The following PALS2 variants were observed in gnomAD, a reference collection of about 807,000 sequenced individuals.
PALS2 encodes the protein protein associated with LIN7 2, MAGUK p55 family member.
In PALS2, 27 loss-of-function variants were observed where a neutral mutation model predicts 61.6. That is an observed-to-expected ratio of 0.44 (90% CI 0.32 to 0.60). The LOEUF (loss-of-function observed/expected upper bound fraction) is 0.60. PALS2 is among the 20% of genes least tolerant of loss of function. The pLI, the probability that PALS2 is intolerant of heterozygous loss-of-function variation, is 0.05. For synonymous variants in PALS2, 236 were observed against 218.6 expected (o/e 1.08, Z -0.70); for missense variants, 554 against 639.4 (o/e 0.87, Z 1.44).
At chr7:24,644,228 A>G (rs1358368695) in intron 3 of PALS2, among the ~76,000 whole-genome samples, 3 of 151,546 alleles carry the variant, frequency 2.0e-5, no homozygotes, top group African/African-American at 7.3e-5. Flanking sequence ...AGTACCCAAT[A>G]GTTATCTTGT....
chr7:24,687,490 A>T lies in PALS2; in HGVS notation c.1499A>T (p.Tyr500Phe). The change falls in exon 12 of 12, where the codon TAC becomes TTC. Residue 500 changes from tyrosine (Y) to phenylalanine (F), a missense_variant. Coordinates refer to ENST00000222644, the MANE Select transcript of PALS2 (RefSeq NM_001303037.2). This position sits in a 1 kb window ranked among gnomAD's most constrained non-coding sequence, Gnocchi z 4.5. Reference sequence around the variant, plus strand: ...GAAAGTGCACGGATTCAGAGAGCATACAACCACTATTTTGATTTGATCATC... The same window carrying T: ...GAAAGTGCACGGATTCAGAGAGCATTCAACCACTATTTTGATTTGATCATC... ...VDESARIQRA[Y>F]NHYFDLIIIN... The T allele has an allele frequency of 6.2e-7, 1 of 1,613,058 alleles. No individual in the cohort carries two copies. Among genetic ancestry groups the T allele is most frequent in the Non-Finnish European group, 8.5e-7 (1 of 1,179,708 alleles).
At position 24,681,014 on chromosome 7, in the gene PALS2, A is replaced by C. The variant is rs1203128299; in HGVS notation, c.1446+494A>C. Among the ~76,000 whole-genome samples, 3 of 152,254 alleles carry C rather than the reference A, an allele frequency of 2.0e-5. No individual in the cohort carries two copies. The South Asian group carries it at 6.2e-4, about 32-fold the overall frequency. On this transcript the variant is annotated intron_variant, in intron 11 of 11. Transcript: ENST00000222644. ...TTCTTTTACTTGAAAATCATTGTAC[A>C]CTTTATTTTAAATCAAAAGTTTAGT...
At chr7:24,637,005 A>G (rs1785269976) in intron 2 of PALS2, among the ~76,000 whole-genome samples, 1 of 152,198 alleles carries the variant, frequency 6.6e-6, no homozygotes, top group African/African-American at 2.4e-5. Context: ...AGGTTATAAA[A>G]AGGTTATTGT....
chr7:24,685,133 C>T (rs1009507066), intron 11 of PALS2, among the ~76,000 whole-genome samples: 11 of 152,000 alleles, frequency 7.2e-5, no homozygotes, highest in Non-Finnish European at 1.2e-4. Context: ...CTGACAGGCC[C>T]CAATGTGTGT....
At chr7:24,586,460 A>G (rs1046624659) in intron 1 of PALS2, among the ~76,000 whole-genome samples, 5 of 152,328 alleles carry the variant, frequency 3.3e-5, no homozygotes, top group Admixed American at 6.5e-5. Context: ...ATAACCAAGG[A>G]AAAAAAGTAG....
chr7:24,639,814 ATTTTT>A (rs61073575), intron 2 of PALS2, among the ~76,000 whole-genome samples: 4,240 of 96,076 alleles, frequency 0.044, 40 homozygotes, highest in Non-Finnish European at 0.061. Flanking sequence ...TTCTAGTCTA[ATTTTT>A]TTTTTTTTTT....
At chr7:24,673,949 G>A (rs2128026579) in intron 9 of PALS2, among the ~76,000 whole-genome samples, 1 of 151,806 alleles carries the variant, frequency 6.6e-6, no homozygotes, top group East Asian at 1.9e-4. Context: ...AAAGTTCTTG[G>A]TATGCTGTGT....
intron 6 of PALS2, among the ~76,000 whole-genome samples, chr7:24,665,099 G>GTT (rs1266604724): frequency 6.6e-5 from 10 of 152,242 alleles, no homozygotes; most frequent in Admixed American, 2.6e-4. Flanking sequence ...GTTTCGCCTA[G>GTT]TTTAAACTTA....
At chr7:24,656,403 A>G (rs1786418542) in intron 5 of PALS2, among the ~76,000 whole-genome samples, 1 of 152,226 alleles carries the variant, frequency 6.6e-6, no homozygotes, top group African/African-American at 2.4e-5. Context: ...TATCCTTGAG[A>G]TAAAGTTTAT....
intron 3 of PALS2, among the ~76,000 whole-genome samples, chr7:24,648,904 C>CA (rs763677372): frequency 0.04 from 3,626 of 90,290 alleles, 192 homozygotes; most frequent in African/African-American, 0.16. Flanking sequence ...GACTCTGTCT[C>CA]AAAAAAGAAA....
At chr7:24,672,921 A>G (rs867051533) in intron 9 of PALS2, among the ~76,000 whole-genome samples, 2 of 152,166 alleles carry the variant, frequency 1.3e-5, no homozygotes, top group South Asian at 2.1e-4. Flanking sequence ...CCTCAACTAG[A>G]ACCTGCAGTG....
At chr7:24,607,803 A>G (rs1008894881) in intron 1 of PALS2, among the ~76,000 whole-genome samples, 9 of 152,034 alleles carry the variant, frequency 5.9e-5, no homozygotes, top group African/African-American at 1.9e-4. Flanking sequence ...GCATGCATAC[A>G]ATGAAGTACT....
rs763528162 is a variant in PALS2 at position 24,680,311 on chromosome 7, A to C, written c.1318-81A>C. ...TTTAATTCATAGAACAAGTGCAAAC[A>C]GCCTTTGATATATACTAAAGGGTAG... On this transcript the variant is annotated intron_variant, in intron 10 of 11. Transcript: ENST00000222644. The C allele has an allele frequency of 5.2e-4, 724 of 1,395,822 alleles. 3 individuals are homozygous for C. The highest frequency in any genetic ancestry group is 1.4e-3 in the South Asian group (108 of 78,094). 86.5% of individuals were successfully genotyped at this position (1,395,822 alleles called of 1,614,324 possible).
intron 3 of PALS2, among the ~76,000 whole-genome samples, chr7:24,642,789 T>C (rs117845198): frequency 0.039 from 5,949 of 152,248 alleles, 156 homozygotes; most frequent in Non-Finnish European, 0.058. Flanking sequence ...TGGACACATA[T>C]CTCAGAGACA....
At chr7:24,642,005 T>A in intron 3 of PALS2, 137 bp downstream of exon 3, 1 of 866,904 alleles carries the variant, frequency 1.2e-6, no homozygotes, top group Non-Finnish European at 1.8e-6. Flanking sequence ...CCAACCTTGG[T>A]ATTTTAATGT....
chr7:24,639,814 ATTTTTTTT>A (rs61073575), intron 2 of PALS2, among the ~76,000 whole-genome samples: 8 of 96,250 alleles, frequency 8.3e-5, no homozygotes, highest in African/African-American at 3.6e-4. Context: ...TTCTAGTCTA[ATTTTTTTT>A]TTTTTTTTTT....
intron 8 of PALS2, chr7:24,667,007 A>G (rs2128088276): frequency 6.6e-6 from 1 of 152,292 alleles, no homozygotes; most frequent in East Asian, 1.9e-4. Context: ...AGCACACCAT[A>G]AAAGAAAATA....
chr7:24,606,744 A>G (rs980007133), intron 1 of PALS2, among the ~76,000 whole-genome samples: 6 of 151,906 alleles, frequency 3.9e-5, no homozygotes, highest in East Asian at 1.9e-4. Flanking sequence ...CTCCTGGCCT[A>G]TTTACTTTTA....
intron 1 of PALS2, among the ~76,000 whole-genome samples, chr7:24,578,237 C>A (rs558762033): frequency 1.1e-4 from 16 of 152,290 alleles, no homozygotes; most frequent in Admixed American, 8.5e-4. Flanking sequence ...AAGCATGAAC[C>A]ACCACACCCT....
Sources: gnomAD v4.1 joint callset for allele counts (sites outside exome capture counted in the v4.1 genomes callset) on GRCh38, gnomAD v4.1.1 for gene constraint, Gnocchi (gnomAD v3.1) non-coding constraint, MANE v1.5 for transcripts, NCBI Gene and HGNC (gene_info 2026-07-23, HGNC 2026-07-21) for gene names.